The following CPQ variants were observed in gnomAD, a reference collection of about 807,000 sequenced individuals.
CPQ encodes the protein Ser-Met dipeptidase.
In CPQ, 37 loss-of-function variants were observed where a neutral mutation model predicts 45.7. That is an observed-to-expected ratio of 0.81 (90% confidence interval 0.62 to 1.07). The LOEUF (loss-of-function observed/expected upper bound fraction) is 1.07. Ranked by LOEUF, CPQ falls within the 50% of genes least tolerant of loss-of-function variation. The pLI is 0.00. For missense variants in CPQ, 537 were observed against 572.9 expected (o/e 0.94, Z 0.64); for synonymous variants, 186 against 205.8 (o/e 0.90, Z 0.82).
intron 1 of CPQ, among the ~76,000 whole-genome samples, chr8:96,771,087 T>C (rs987165497): frequency 1.7e-4 from 25 of 146,120 alleles, no homozygotes; most frequent in Admixed American, 6.3e-4. Flanking sequence ...GCAATATATA[T>C]ATATTATATA....
At chr8:96,988,677 C>T (rs918732544) in intron 5 of CPQ, among the ~76,000 whole-genome samples, 4 of 152,160 alleles carry the variant, frequency 2.6e-5, no homozygotes, top group East Asian at 1.9e-4. Context: ...AAGGAGACTT[C>T]GGTCGTTCTG....
intron 4 of CPQ, among the ~76,000 whole-genome samples, chr8:96,958,004 G>A (rs949130063): frequency 5.2e-5 from 6 of 114,294 alleles, no homozygotes; most frequent in South Asian, 2.8e-4. Flanking sequence ...CACTACACCC[G>A]GCTATTTTTT....
intron 1 of CPQ, among the ~76,000 whole-genome samples, chr8:96,657,471 C>T (rs1487550644): frequency 6.6e-6 from 1 of 152,192 alleles, no homozygotes; most frequent in Non-Finnish European, 1.5e-5. Context: ...ATTCATTCAG[C>T]TGTCTCCGTT....
chr8:96,826,215 C>T (rs750542655), intron 2 of CPQ, among the ~76,000 whole-genome samples: 3 of 151,880 alleles, frequency 2.0e-5, no homozygotes, highest in Non-Finnish European at 4.4e-5. Flanking sequence ...TGTTTCCTGC[C>T]GTTTGGTGTT....
intron 1 of CPQ, among the ~76,000 whole-genome samples, chr8:96,747,955 AAGAC>A (rs1810211593): frequency 6.6e-6 from 1 of 152,204 alleles, no homozygotes; most frequent in Non-Finnish European, 1.5e-5. Context: ...GAGAAAGACA[AAGAC>A]AGACAGCAAT....
Position 96,759,750 on chromosome 8 carries a change from G to C in CPQ, c.-34-25114G>C, listed in dbSNP as rs534246773. Among the ~76,000 whole-genome samples, 12 of 152,260 alleles carry C rather than the reference G, an allele frequency of 7.9e-5. 1 individual carries two copies. The South Asian group carries it at 2.5e-3, about 32-fold the overall frequency. On this transcript the variant is annotated intron_variant, in intron 1 of 7. Coordinates refer to ENST00000220763, the MANE Select transcript of CPQ (RefSeq NM_016134.4). Reference sequence around the variant, plus strand: ...TAAGGGAGTGGAATGCTGACTAGGAGCCATGTCCTCAGCTAGTATGGCAAG... The same window carrying C: ...TAAGGGAGTGGAATGCTGACTAGGACCCATGTCCTCAGCTAGTATGGCAAG...
Position 96,801,909 on chromosome 8 carries a change from G to A in CPQ, c.433+16579G>A, listed in dbSNP as rs1034101356. 3.9e-5 allele frequency among the ~76,000 whole-genome samples: 6 copies of A among 152,118 alleles called. No individual in the cohort carries two copies. In the East Asian group the frequency reaches 7.7e-4, roughly 20 times the overall value. ...GTTATTGTGAATGAATTGCAAAATC[G>A]TGGTCAATAATTAATAGGTTATAAT... On this transcript the variant is annotated intron_variant, in intron 2 of 7. Coordinates refer to ENST00000220763, the MANE Select transcript of CPQ (RefSeq NM_016134.4).
chr8:96,886,203 G>A (rs377151412), intron 4 of CPQ, among the ~76,000 whole-genome samples: 3 of 152,162 alleles, frequency 2.0e-5, no homozygotes, highest in African/African-American at 7.2e-5. Context: ...ATCTTGGACA[G>A]TGTGCATGAG....
chr8:97,105,424 CATTGT>C, intron 7 of CPQ, among the ~76,000 whole-genome samples: 1 of 152,282 alleles, frequency 6.6e-6, no homozygotes, highest in East Asian at 1.9e-4. Context: ...AATAATATTC[CATTGT>C]ATGTGTATAC....
Position 96,719,403 on chromosome 8 carries a change from C to T in CPQ, c.-34-65461C>T, listed in dbSNP as rs573458954. Among the ~76,000 whole-genome samples the T allele has an allele frequency of 1.5e-4, 23 of 152,326 alleles. No individual in the cohort carries two copies. The East Asian group carries it at 4.4e-3, about 29-fold the overall frequency. On this transcript the variant is annotated intron_variant, in intron 1 of 7. Transcript: ENST00000220763. Reference sequence around the variant, plus strand: ...AAGTGCGGGCCCGCCAAGCCCACGCCCACCCGGAACTCCAGCTGTTCCGCA... The same window carrying T: ...AAGTGCGGGCCCGCCAAGCCCACGCTCACCCGGAACTCCAGCTGTTCCGCA...
intron 3 of CPQ, among the ~76,000 whole-genome samples, chr8:96,844,893 C>A (rs940664148): frequency 1.3e-5 from 2 of 152,324 alleles, no homozygotes; most frequent in Admixed American, 6.5e-5. Context: ...TTCTCTCTAT[C>A]CTCATGTTAA....
At chr8:96,971,187 T>TC (rs1319243985) in intron 5 of CPQ, among the ~76,000 whole-genome samples, 3 of 152,246 alleles carry the variant, frequency 2.0e-5, no homozygotes, top group Admixed American at 6.5e-5. Context: ...GGATTTGTTT[T>TC]CATTCTAGAT....
At chr8:96,981,408 C>A (rs962421596) in intron 5 of CPQ, among the ~76,000 whole-genome samples, 1 of 152,142 alleles carries the variant, frequency 6.6e-6, no homozygotes, top group Admixed American at 6.5e-5. Context: ...CTGTTCTCAT[C>A]GCCAATCACC....
chr8:97,133,021 C>T (rs1811983787), intron 7 of CPQ: 1 of 152,018 alleles, frequency 6.6e-6, no homozygotes, highest in Non-Finnish European at 1.5e-5. Flanking sequence ...CCCGCACACA[C>T]AGAAAATTAT....
At chr8:96,688,860 T>C (rs1809269396) in intron 1 of CPQ, among the ~76,000 whole-genome samples, 1 of 152,190 alleles carries the variant, frequency 6.6e-6, no homozygotes, top group African/African-American at 2.4e-5. Context: ...AATAATAATG[T>C]TAATAAGTCC....
intron 7 of CPQ, among the ~76,000 whole-genome samples, chr8:97,115,696 A>T (rs1393301862): frequency 1.3e-5 from 2 of 152,188 alleles, no homozygotes; most frequent in Non-Finnish European, 2.9e-5. Context: ...GCTAAGCTGG[A>T]TGTAGGTATG....
intron 1 of CPQ, among the ~76,000 whole-genome samples, chr8:96,649,011 T>C (rs1009243878): frequency 1.3e-4 from 20 of 152,252 alleles, no homozygotes; most frequent in African/African-American, 2.4e-5. Context: ...AGGCAAGGCC[T>C]CTCTCTGTCA....
chr8:96,918,108 A>G (rs1349847782), intron 4 of CPQ, among the ~76,000 whole-genome samples: 1 of 152,132 alleles, frequency 6.6e-6, no homozygotes, highest in Non-Finnish European at 1.5e-5. Context: ...AAAGATGACA[A>G]TTCGTGCTGA....
At chr8:97,005,140 G>T (rs1453702640) in intron 5 of CPQ, among the ~76,000 whole-genome samples, 1 of 151,618 alleles carries the variant, frequency 6.6e-6, no homozygotes, top group Non-Finnish European at 1.5e-5. Context: ...GGAGTGTGGT[G>T]GTGTGATCTC....
Sources: gnomAD v4.1 joint callset for allele counts (sites outside exome capture counted in the v4.1 genomes callset) on GRCh38, gnomAD v4.1.1 for gene constraint, MANE v1.5 for transcripts, NCBI Gene and HGNC (gene_info 2026-07-23, HGNC 2026-07-21) for gene names.